PRKRIP1: variants seen among roughly 807,000 people sequenced by gnomAD.
The protein encoded by PRKRIP1 is PRKR-interacting protein 1.
PRKRIP1 carries 29 observed loss-of-function variants against 29.3 expected under a neutral mutation model. The ratio of observed to expected loss-of-function variants is 0.99; its 90% confidence interval spans 0.74 to 1.35. The LOEUF is 1.35. Ranked by LOEUF, PRKRIP1 falls within the 40% of genes most tolerant of loss-of-function variation. The pLI, the probability that PRKRIP1 is intolerant of heterozygous loss-of-function variation, is 0.00. For missense variants in PRKRIP1, 247 were observed against 236.8 expected, an observed-to-expected ratio of 1.04 and a Z score of -0.28; for synonymous variants, 90 against 85.1, an observed-to-expected ratio of 1.06 and a Z score of -0.32.
chr7:102,414,724 A>G (rs1229652885), intron 5 of PRKRIP1, among the ~76,000 whole-genome samples: 2 of 152,136 alleles, frequency 1.3e-5, no homozygotes, highest in Non-Finnish European at 2.9e-5. Flanking sequence ...ATCTCTACAC[A>G]AAGTAAAAAA....
intron 3 of PRKRIP1, among the ~76,000 whole-genome samples, chr7:102,402,715 C>T (rs1362336421): frequency 6.6e-6 from 1 of 152,088 alleles, no homozygotes; most frequent in Non-Finnish European, 1.5e-5. Flanking sequence ...AAAAGGCAAG[C>T]ACGTCCTCAT....
intron 4 of PRKRIP1, 113 bp downstream of exon 4, chr7:102,404,796 GTAGAGCAATGACTTCTACT>G: frequency 1.4e-6 from 1 of 697,118 alleles, no homozygotes; most frequent in Non-Finnish European, 2.4e-6. Context: ...GGTCATGAAT[GTAGAGCAATGACTTCTACT>G]ACCTGAGCAG....
chr7:102,407,611 A>T lies in PRKRIP1; in HGVS notation c.457+113A>T. 4.0e-6 allele frequency: 3 copies of T among 752,372 alleles called. No homozygotes were observed. In the South Asian group the frequency reaches 4.7e-5, roughly 12 times the overall value. 46.6% of individuals were successfully genotyped at this position (752,372 alleles called of 1,614,324 possible). A position where few individuals can be genotyped will look rare whatever the true frequency, so the allele number is the denominator to read the frequency against. On this transcript the variant is annotated intron_variant, in intron 5 of 5. Transcript: ENST00000397912. ...GTTTGGGCTGGTTGGCTGGCCACTG[A>T]AGAAATAACAGCTTATTCATATTAG...
In PRKRIP1 at chr7:102,419,691, G is replaced by A. The variant is rs112123674; in HGVS notation, c.458-5323G>A. The stretch of plus-strand genomic sequence containing the variant: ...ATTGGCTTCTTTTGCTTACCAGAAC[G>A]TGGCTTAATGCCCCATTCCTTTTGC... On this transcript the variant is annotated intron_variant, in intron 5 of 5. Transcript: ENST00000397912. Among the ~76,000 whole-genome samples the A allele has an allele frequency of 1.1e-3, 163 of 152,192 alleles. 1 individual carries two copies. Among genetic ancestry groups the A allele is most frequent in the Non-Finnish European group, 1.9e-3 (132 of 68,032 alleles).
Position 102,404,655 on chromosome 7 carries a change from G to C in PRKRIP1, c.364G>C (p.Glu122Gln). 6.2e-7 allele frequency: 1 copy of C among 1,613,856 alleles called. No homozygotes were observed. Among genetic ancestry groups the C allele is most frequent in the Non-Finnish European group, 8.5e-7 (1 of 1,179,874 alleles). ...GGAAAAGAATAAAATTGCTGCAGAG[G>C]AGCAGACCGCAAAGCGCCGGAAGAA... is the stretch of plus-strand genomic sequence containing the variant. The part of the protein sequence containing the change: ...RLEKNKIAAE[E>Q]QTAKRRKKRQ... The change falls in exon 4 of 6, where the codon GAG becomes CAG. Residue 122 changes from glutamate to glutamine, a missense_variant. Transcript: ENST00000397912.
In PRKRIP1 at chr7:102,423,484, CCTGT is replaced by C. The variant is rs549463681; in HGVS notation, c.458-1527_458-1524del. 579 of 235,082 alleles carry C rather than the reference CCTGT, an allele frequency of 2.5e-3. 5 individuals are homozygous for C. The highest frequency in any genetic ancestry group is 0.013 in the African/African-American group (560 of 43,614). 14.6% of individuals were successfully genotyped at this position (235,082 alleles called of 1,614,324 possible). A position where few individuals can be genotyped will look rare whatever the true frequency, so the allele number is the denominator to read the frequency against. ...CAGAGAACACGTTTGAGCCTGGGTC[CCTGT>C]CTTAGTGAATAGGAGATCTCGAGCA... On this transcript the variant is annotated intron_variant, in intron 5 of 5. Coordinates refer to ENST00000397912, the MANE Select transcript of PRKRIP1 (RefSeq NM_024653.4).
At chr7:102,404,722 CA>C (rs782466821) in intron 4 of PRKRIP1, 39 bp downstream of exon 4, 8 of 1,539,716 alleles carry the variant, frequency 5.2e-6, no homozygotes, top group South Asian at 1.1e-5. Context: ...ACTTAAGGGC[CA>C]GGGGTGGTGG....
chr7:102,397,799 A>G, intron 2 of PRKRIP1, 101 bp downstream of exon 2: 1 of 1,089,010 alleles, frequency 9.2e-7, no homozygotes, highest in Non-Finnish European at 1.4e-6. Context: ...TAATCCCAGC[A>G]CTTTGGGAGG....
intron 4 of PRKRIP1, 49 bp from the exon 5 acceptor site, chr7:102,407,385 A>G: frequency 8.2e-7 from 1 of 1,212,678 alleles, no homozygotes; most frequent in Non-Finnish European, 1.2e-6. Flanking sequence ...TTTCTAAAAT[A>G]TACCATAATG....
At chr7:102,398,929 C>T (rs547881790) in intron 2 of PRKRIP1, among the ~76,000 whole-genome samples, 6 of 152,110 alleles carry the variant, frequency 3.9e-5, no homozygotes, top group Non-Finnish European at 8.8e-5. Flanking sequence ...TGAGACCAGC[C>T]TGGGCAACAC....
intron 5 of PRKRIP1, among the ~76,000 whole-genome samples, chr7:102,416,638 A>G (rs1554573149): frequency 1.3e-5 from 2 of 150,728 alleles, no homozygotes; most frequent in African/African-American, 4.9e-5. Context: ...CTCACCACAC[A>G]TCAGGGCATT....
Position 102,425,458 on chromosome 7 carries a change from T to C in PRKRIP1, c.*347T>C. On this transcript the variant is annotated 3_prime_UTR_variant, in exon 6 of 6. Coordinates refer to ENST00000397912, the MANE Select transcript of PRKRIP1 (RefSeq NM_024653.4). ...AGAGCAGAACACCCTTGCGTTTTGT[T>C]GGGACATGTGGACCGTGAGTCGCAA... 1 of 328,880 alleles carries C rather than the reference T, an allele frequency of 3.0e-6. No individual in the cohort carries two copies. The allele number at this position is 328,880 out of a possible 1,614,324, so 20.4% of individuals were successfully genotyped here.
intron 4 of PRKRIP1, chr7:102,405,618 T>G (rs957502805): frequency 6.5e-6 from 1 of 154,168 alleles, no homozygotes; most frequent in Non-Finnish European, 1.5e-5. Context: ...AAAAAAATTT[T>G]TTTTTAAAAA....
rs782421052 is a variant in PRKRIP1, at chr7:102,425,171, C to A, written c.*60C>A. On this transcript the variant is annotated 3_prime_UTR_variant, in exon 6 of 6. Transcript: ENST00000397912. The stretch of plus-strand genomic sequence containing the variant: ...TCGTGCTGTGACCAGAAGGGAAAGG[C>A]GGCTGTTTGGCTCTTTCTCCCCCGC... The A allele has an allele frequency of 1.9e-6, 3 of 1,563,010 alleles. No individual in the cohort carries two copies. Among genetic ancestry groups the A allele is most frequent in the Admixed American group, 1.9e-5 (1 of 53,286 alleles).
At chr7:102,402,402 A>G (rs1554571275) in intron 3 of PRKRIP1, among the ~76,000 whole-genome samples, 2 of 151,078 alleles carry the variant, frequency 1.3e-5, no homozygotes, top group East Asian at 3.9e-4. Flanking sequence ...CACACCCTGT[A>G]CTCTAGCCTG....
chr7:102,412,788 G>A (rs1197791380), intron 5 of PRKRIP1, among the ~76,000 whole-genome samples: 1 of 152,184 alleles, frequency 6.6e-6, no homozygotes, highest in East Asian at 1.9e-4. Context: ...AGGGGCAGCT[G>A]GCTGGGTGTT....
At chr7:102,398,134 G>A (rs540964093) in intron 2 of PRKRIP1, among the ~76,000 whole-genome samples, 28 of 152,070 alleles carry the variant, frequency 1.8e-4, no homozygotes, top group Non-Finnish European at 2.9e-4. Context: ...TCACATGTTC[G>A]TGTTTTGCTT....
intron 5 of PRKRIP1, among the ~76,000 whole-genome samples, chr7:102,420,405 T>C (rs952331103): frequency 2.6e-5 from 4 of 152,254 alleles, no homozygotes; most frequent in Admixed American, 1.3e-4. Context: ...GTTTTTTGAA[T>C]TTGAGCCATC....
intron 5 of PRKRIP1, among the ~76,000 whole-genome samples, chr7:102,421,800 A>G (rs1230398688): frequency 6.6e-6 from 1 of 151,964 alleles, no homozygotes; most frequent in African/African-American, 2.4e-5. Flanking sequence ...CGTCTCCAAA[A>G]AAAAAAAAAA....
Sources: allele counts gnomAD v4.1 joint callset (sites outside exome capture counted in the v4.1 genomes callset), GRCh38; gene constraint gnomAD v4.1.1; transcripts MANE v1.5; gene names NCBI Gene and HGNC (gene_info 2026-07-23, HGNC 2026-07-21).